Variants in DSP observed in about 807,000 individuals in gnomAD.
DSP encodes the protein 250/210 kDa paraneoplastic pemphigus antigen.
In DSP, 114 loss-of-function variants were observed where a neutral mutation model predicts 290.6. The observed-to-expected ratio is 0.39, with a 90% CI of 0.34 to 0.46. The LOEUF is 0.46. Ranked by LOEUF, DSP falls within the 20% of genes least tolerant of loss-of-function variation. The pLI is 0.99. For missense variants in DSP, 3,230 were observed against 3,495.8 expected (o/e 0.92, Z 1.92); for synonymous variants, 1,311 against 1,316.4 (o/e 1.00, Z 0.09).
rs778957616 is a variant in DSP at position 7,583,310 on chromosome 6, A to T, written c.6048A>T (p.Gly2016=). The T allele has an allele frequency of 6.2e-7, 1 of 1,614,218 alleles. No homozygotes were observed. The highest frequency in any genetic ancestry group is 1.1e-5 in the South Asian group (1 of 91,084). The change falls in exon 24 of 24, where the codon GGA becomes GGT. Residue 2016 remains glycine, a synonymous_variant. Transcript: ENST00000379802. The surrounding 1 kb of genome is among the most constrained non-coding windows in gnomAD (Gnocchi z 4.0). ...SEIQPFLRGA[G]SIAGASASPK... The stretch of plus-strand genomic sequence containing the variant: ...TCCAGCCATTCCTTCGGGGTGCAGG[A>T]TCTATCGCTGGAGCATCTGCTTCTC...
Position 7,585,155 on chromosome 6 carries a change from C to A in DSP, c.7893C>A (p.Ile2631=), listed in dbSNP as rs778552693. The change falls in exon 24 of 24, where the codon ATC becomes ATA. Residue 2631 remains isoleucine (I), a synonymous_variant. Transcript: ENST00000379802. The part of the protein sequence containing the change: ...AIFDTENLEK[I]SITEGIERGI... Reference sequence around the variant, plus strand: ...TTGACACAGAAAACCTGGAGAAAATCTCCATTACAGAAGGTATAGAGCGGG... The same window carrying A: ...TTGACACAGAAAACCTGGAGAAAATATCCATTACAGAAGGTATAGAGCGGG... 6.2e-7 allele frequency: 1 copy of A among 1,614,174 alleles called. No individual in the cohort carries two copies. The highest frequency in any genetic ancestry group is 8.5e-7 in the Non-Finnish European group (1 of 1,180,032).
rs546610553 is a variant in DSP, at chr6:7,581,545, G to A, written c.5355G>A (p.Glu1785=). 3.1e-6 allele frequency: 5 copies of A among 1,613,892 alleles called. No homozygotes were observed. In the South Asian group the frequency reaches 5.5e-5, roughly 18 times the overall value. ...RERENLRQEI[E]KFQKQALEAS... ...GGGAAAATTTGAGACAGGAAATTGA[G>A]AAATTCCAAAAGCAGGCTTTAGAGG... is the stretch of plus-strand genomic sequence containing the variant. The change falls in exon 23 of 24, where the codon GAG becomes GAA. Residue 1785 remains glutamate, a synonymous_variant. Transcript: ENST00000379802.
At position 7,585,196 on chromosome 6, in the gene DSP, T is replaced by G; in HGVS notation, c.7934T>G (p.Ile2645Ser). The change falls in exon 24 of 24, where the codon ATC (isoleucine) becomes AGC (serine). Residue 2645 changes from isoleucine to serine, a missense_variant. Transcript: ENST00000379802. ...EGIERGIVDS[I>S]TGQRLLEAQA... Reference sequence around the variant, plus strand: ...ATAGAGCGGGGCATCGTTGACAGCATCACGGGTCAGAGGCTTCTGGAGGCT... The same window carrying G: ...ATAGAGCGGGGCATCGTTGACAGCAGCACGGGTCAGAGGCTTCTGGAGGCT... The G allele has an allele frequency of 6.2e-7, 1 of 1,614,142 alleles. No homozygotes were observed. The highest frequency in any genetic ancestry group is 1.1e-5 in the South Asian group (1 of 91,082).
Position 7,554,125 on chromosome 6 carries a change from A to ACACACACACACC in DSP, c.171-1592_171-1591insACACACACACCC, listed in dbSNP as rs772041102. ...CACACACACACACACACACACACAC[A>ACACACACACACC]CCCAGTTGGTTAGACAGGCATCAGA... is the stretch of plus-strand genomic sequence containing the variant. On this transcript the variant is annotated intron_variant, in intron 1 of 23. Coordinates refer to ENST00000379802, the MANE Select transcript of DSP (RefSeq NM_004415.4). 3.4e-3 allele frequency among the ~76,000 whole-genome samples: 498 copies of ACACACACACACC among 144,368 alleles called. 3 individuals carry two copies. The highest frequency in any genetic ancestry group is 8.7e-3 in the African/African-American group (324 of 37,360). 94.7% of individuals were successfully genotyped at this position (144,368 alleles called of 152,430 possible). A position where few individuals can be genotyped will look rare whatever the true frequency, so the allele number is the denominator to read the frequency against.
rs2806230 is a variant in DSP, at chr6:7,578,110, G to C, written c.2985+224G>C. On this transcript the variant is annotated intron_variant, in intron 21 of 23. Coordinates refer to ENST00000379802, the MANE Select transcript of DSP (RefSeq NM_004415.4). ...TACATTTTCAGAAATGATCAGGAAT[G>C]TGTTATTTAGAGTCTTTGTAGAAAT... Among the ~76,000 whole-genome samples the C allele has an allele frequency of 0.78, 118,109 of 152,112 alleles. 46,073 individuals carry two copies. Among genetic ancestry groups the C allele is most frequent in the Middle Eastern group, 0.84 (248 of 294 alleles).
Position 7,565,444 on chromosome 6 carries a change from A to G in DSP, c.863A>G (p.Asp288Gly). The G allele has an allele frequency of 6.2e-7, 1 of 1,614,148 alleles. No homozygotes were observed. Among genetic ancestry groups the G allele is most frequent in the Non-Finnish European group, 8.5e-7 (1 of 1,180,010 alleles). Residue 288 changes from aspartate (D) to glycine (G), a missense_variant, in exon 7 of 24, where the codon GAC becomes GGC. Physicochemically the swap from Asp to Gly is moderately conservative, Grantham distance 94 (BLOSUM62 -1). Coordinates refer to ENST00000379802, the MANE Select transcript of DSP (RefSeq NM_004415.4). The surrounding 1 kb of genome is among the most constrained non-coding windows in gnomAD (Gnocchi z 4.2). ...ATSREIMWIN[D>G]CEEEELLYDW... ...TCCAGGGAGATCATGTGGATCAATG[A>G]CTGCGAGGAGGAGGAGCTGCTGTAC...
chr6:7,548,649 G>A (rs1160598604), intron 1 of DSP, among the ~76,000 whole-genome samples: 4 of 152,176 alleles, frequency 2.6e-5, no homozygotes, highest in African/African-American at 9.7e-5. Flanking sequence ...TTTTATTAGA[G>A]TACTGTTTCT....
intron 15 of DSP, 45 bp from the exon 16 acceptor site, chr6:7,574,041 A>G (rs777786333): frequency 1.0e-4 from 164 of 1,605,768 alleles, no homozygotes; most frequent in Non-Finnish European, 1.3e-4. Context: ...TACAGTAATA[A>G]AAAGAATCAG....
At chr6:7,566,280 A>C in intron 7 of DSP, 97 bp from the exon 8 acceptor site, 2 of 970,518 alleles carry the variant, frequency 2.1e-6, no homozygotes, top group East Asian at 2.4e-5. Flanking sequence ...TCATTTCCAA[A>C]ATGCAGTTTT....
intron 1 of DSP, among the ~76,000 whole-genome samples, chr6:7,543,297 C>T (rs1758072092): frequency 6.6e-6 from 1 of 151,784 alleles, no homozygotes. Context: ...TTTTGTTTTG[C>T]AAGCAGTTTT....
At chr6:7,573,942 G>A (rs939627197) in intron 15 of DSP, 144 bp from the exon 16 acceptor site, 4 of 899,230 alleles carry the variant, frequency 4.4e-6, no homozygotes, top group South Asian at 1.5e-5. Flanking sequence ...AACCATGGAA[G>A]TTGACTGATG....
At chr6:7,577,682 C>T (rs936339293) in intron 20 of DSP, 97 bp from the exon 21 acceptor site, 17 of 997,962 alleles carry the variant, frequency 1.7e-5, no homozygotes, top group African/African-American at 6.3e-5. Flanking sequence ...GGCAATTAGA[C>T]GTGCAGCCCA....
chr6:7,577,907 C>T (rs1474427443), intron 21 of DSP, 21 bp downstream of exon 21: 1 of 1,566,288 alleles, frequency 6.4e-7, no homozygotes, highest in Non-Finnish European at 8.8e-7. Flanking sequence ...CATCACATAT[C>T]TCTTAAAACC....
At chr6:7,559,475 G>A in intron 4 of DSP, 75 bp downstream of exon 4, 1 of 1,590,310 alleles carries the variant, frequency 6.3e-7, no homozygotes, top group South Asian at 1.1e-5. Context: ...CCATGTGTTT[G>A]TGTGACAAAG....
At chr6:7,558,551 G>A (rs953501343) in intron 3 of DSP, among the ~76,000 whole-genome samples, 15 of 119,732 alleles carry the variant, frequency 1.3e-4, no homozygotes, top group South Asian at 5.0e-4. Context: ...GTCTCGCTCT[G>A]TCACCCAGGC....
chr6:7,550,172 G>A (rs1758294298), intron 1 of DSP, among the ~76,000 whole-genome samples: 2 of 151,604 alleles, frequency 1.3e-5, no homozygotes, highest in East Asian at 1.9e-4. Context: ...TCAGCCTCCC[G>A]AGTAGCTGGG....
At position 7,559,231 on chromosome 6, in the gene DSP, T is replaced by C. The variant is rs746545985; in HGVS notation, c.428T>C (p.Leu143Pro). ...QPCDAYQKRLLQLQEQMRALY... is the reference protein window; with the variant it reads ...QPCDAYQKRLPQLQEQMRALY... ...AAAGGTTTTTTTCTTTGCAGGCTTC[T>C]TCAGCTCCAAGAGCAAATGCGAGCC... The change falls in exon 4 of 24, where the codon CTT becomes CCT. Residue 143 changes from leucine to proline, a missense_variant. Physicochemically the swap from Leu to Pro is moderately conservative, Grantham distance 98 (BLOSUM62 -3). Transcript: ENST00000379802. 6.2e-7 allele frequency: 1 copy of C among 1,613,990 alleles called. No homozygotes were observed. Among genetic ancestry groups the C allele is most frequent in the Non-Finnish European group, 8.5e-7 (1 of 1,180,008 alleles).
intron 1 of DSP, among the ~76,000 whole-genome samples, chr6:7,555,098 C>T (rs886073289): frequency 2.1e-4 from 32 of 152,120 alleles, no homozygotes; most frequent in African/African-American, 6.5e-4. Flanking sequence ...CATTAGGGAC[C>T]GCTGTGGGAT....
At chr6:7,549,584 G>GC (rs1303425063) in intron 1 of DSP, among the ~76,000 whole-genome samples, 1 of 152,162 alleles carries the variant, frequency 6.6e-6, no homozygotes, top group Non-Finnish European at 1.5e-5. Context: ...AAAGAGCTAA[G>GC]CAAATAGGCC....
Sources: allele counts gnomAD v4.1 joint callset (sites outside exome capture counted in the v4.1 genomes callset), GRCh38; gene constraint gnomAD v4.1.1; non-coding constraint Gnocchi (gnomAD v3.1); transcripts MANE v1.5; gene names NCBI Gene and HGNC (gene_info 2026-07-23, HGNC 2026-07-21).